Variants in GDPD1 observed in about 807,000 individuals in gnomAD.
GDPD1 encodes lysophospholipase D GDPD1.
A neutral mutation model predicts 45.1 loss-of-function variants in GDPD1; 28 were observed. That is an observed-to-expected ratio of 0.62 (90% CI 0.46 to 0.85). The LOEUF (loss-of-function observed/expected upper bound fraction) is 0.85, where lower values mean the gene tolerates loss of function less well. GDPD1 is among the 40% of genes least tolerant of loss of function. The pLI, the probability that GDPD1 is intolerant of heterozygous loss-of-function variation, is 0.00. For synonymous variants in GDPD1, 139 were observed against 131.4 expected (o/e 1.06, Z -0.40); for missense variants, 256 against 364.8 (o/e 0.70, Z 2.43).
chr17:59,225,781 G>A (rs753159555), intron 1 of GDPD1, among the ~76,000 whole-genome samples: 2 of 152,012 alleles, frequency 1.3e-5, no homozygotes, highest in Non-Finnish European at 2.9e-5. Context: ...GAGTGCAGTG[G>A]TGGGATCTTA....
In GDPD1 at chr17:59,246,092, C is replaced by A. The variant is rs1295808565; in HGVS notation, c.321+543C>A. On this transcript the variant is annotated intron_variant, in intron 3 of 9. Coordinates refer to ENST00000284116, the MANE Select transcript of GDPD1 (RefSeq NM_182569.4). Reference sequence around the variant, plus strand: ...CCAAGATTGCGCCACTGCACTGCAGCCTGGGCAAGAGTGAGACTCTGTCTC... The same window carrying A: ...CCAAGATTGCGCCACTGCACTGCAGACTGGGCAAGAGTGAGACTCTGTCTC... Among the ~76,000 whole-genome samples the A allele has an allele frequency of 3.3e-5, 5 of 151,484 alleles. No individual in the cohort carries two copies. In the East Asian group the frequency reaches 9.7e-4, roughly 29 times the overall value.
In GDPD1 at chr17:59,245,501, A is replaced by G. The variant is rs568539174; in HGVS notation, c.273A>G (p.Leu91=). The change falls in exon 3 of 10, where the codon CTA becomes CTG. Residue 91 remains leucine, a synonymous_variant. Coordinates refer to ENST00000284116, the MANE Select transcript of GDPD1 (RefSeq NM_182569.4). ...TTGTAGTGTCACATGATGAGAATCT[A>G]AAGAGAGCAACTGGGGTCAATGTAA... ...EQVVVSHDEN[L]KRATGVNVNI... 824 of 1,611,248 alleles carry G rather than the reference A, an allele frequency of 5.1e-4. 12 individuals carry two copies. In the South Asian group the frequency reaches 8.5e-3, roughly 17 times the overall value.
intron 3 of GDPD1, among the ~76,000 whole-genome samples, chr17:59,248,302 T>TATAAAATAAA (rs554878179): frequency 2.0e-5 from 3 of 151,752 alleles, no homozygotes; most frequent in African/African-American, 7.2e-5. Context: ...CTGTCTCAAA[T>TATAAAATAAA]ATAAAATAAA....
Position 59,267,087 on chromosome 17 carries a change from T to C in GDPD1, c.623T>C (p.Ile208Thr), listed in dbSNP as rs763906737. ...ILFSLQRVLLILGLFFTGLLP... is the reference protein window; with the variant it reads ...ILFSLQRVLLTLGLFFTGLLP... The stretch of plus-strand genomic sequence containing the variant: ...TTCAGTCTACAACGTGTCCTGCTCA[T>C]TCTTGGCCTTTTCTTCACTGGCCTC... Residue 208 changes from isoleucine to threonine, a missense_variant, in exon 7 of 10, where the codon ATT (isoleucine) becomes ACT (threonine). Coordinates refer to ENST00000284116, the MANE Select transcript of GDPD1 (RefSeq NM_182569.4). The C allele has an allele frequency of 6.2e-7, 1 of 1,613,526 alleles. No individual in the cohort carries two copies. The highest frequency in any genetic ancestry group is 1.7e-5 in the Admixed American group (1 of 60,000).
chr17:59,248,764 C>T lies in GDPD1; in HGVS notation c.346C>T (p.Leu116=), dbSNP rs766709286. 3 of 1,604,986 alleles carry T rather than the reference C, an allele frequency of 1.9e-6. No homozygotes were observed. The highest frequency in any genetic ancestry group is 1.7e-5 in the Admixed American group (1 of 58,972). ...GGAGCTCCCACCTTACCTTGGCAAA[C>T]TGGATGTCTCATTTCAAAGAGGTAA... ...YCELPPYLGK[L]DVSFQRACQC... is the part of the protein sequence containing the mutation. Residue 116 remains leucine, a synonymous_variant, in exon 4 of 10, where the codon CTG becomes TTG. Transcript: ENST00000284116.
In GDPD1 at chr17:59,273,062, G is replaced by A. The variant is rs1012523836; in HGVS notation, c.822+226G>A. The A allele has an allele frequency of 9.8e-5, 67 of 681,292 alleles. No individual in the cohort carries two copies. The African/African-American group carries it at 1.1e-3, about 11-fold the overall frequency. 42.2% of individuals were successfully genotyped at this position (681,292 alleles called of 1,614,324 possible). ...TGTACAGAATAGCTGATGCCAGAGG[G>A]GTGGGACAGTGTTTGTGTGTGTGTA... On this transcript the variant is annotated intron_variant, in intron 9 of 9. Transcript: ENST00000284116.
At chr17:59,257,583 G>A (rs1016635734) in intron 5 of GDPD1, among the ~76,000 whole-genome samples, 168 bp from the exon 6 acceptor site, 2 of 152,116 alleles carry the variant, frequency 1.3e-5, no homozygotes, top group African/African-American at 4.8e-5. Flanking sequence ...ATGATATAAT[G>A]TGAATAAATT....
At chr17:59,261,913 C>T (rs1281994537) in intron 6 of GDPD1, among the ~76,000 whole-genome samples, 58 of 79,316 alleles carry the variant, frequency 7.3e-4, no homozygotes, top group African/African-American at 1.8e-3. Flanking sequence ...AGATTACAGG[C>T]TTTTTTTTTT....
chr17:59,239,825 T>G (rs2047161907), intron 2 of GDPD1, among the ~76,000 whole-genome samples: 1 of 149,726 alleles, frequency 6.7e-6, no homozygotes, highest in Non-Finnish European at 1.5e-5. Flanking sequence ...CCTCCCCCTC[T>G]CCAGCTCAAG....
At chr17:59,239,951 C>T (rs1283835766) in intron 2 of GDPD1, among the ~76,000 whole-genome samples, 14 of 151,954 alleles carry the variant, frequency 9.2e-5, no homozygotes, top group East Asian at 1.9e-4. Context: ...TCACCCACCT[C>T]GGCCTCCCAA....
intron 4 of GDPD1, among the ~76,000 whole-genome samples, chr17:59,253,633 G>A (rs2047273033): frequency 6.6e-6 from 1 of 152,070 alleles, no homozygotes; most frequent in African/African-American, 2.4e-5. Context: ...AGTTTCATCT[G>A]TTTGACCTTT....
Position 59,273,862 on chromosome 17 carries a change from T to C in GDPD1, c.*89T>C, listed in dbSNP as rs2047461280. ...TCATTTCCCTAAGCCATTTCCAGAA[T>C]GGTAAAAGGTTTAATCAGTTTTTAT... On this transcript the variant is annotated 3_prime_UTR_variant, in exon 10 of 10. Coordinates refer to ENST00000284116, the MANE Select transcript of GDPD1 (RefSeq NM_182569.4). The C allele has an allele frequency of 2.9e-6, 4 of 1,366,794 alleles. No individual in the cohort carries two copies. In the African/African-American group the frequency reaches 4.4e-5, roughly 15 times the overall value. The allele number at this position is 1,366,794 out of a possible 1,614,324, so 84.7% of individuals were successfully genotyped here. A position where few individuals can be genotyped will look rare whatever the true frequency, so the allele number is the denominator to read the frequency against.
chr17:59,226,306 C>G (rs1387604461), intron 1 of GDPD1, among the ~76,000 whole-genome samples: 1 of 151,798 alleles, frequency 6.6e-6, no homozygotes, highest in African/African-American at 2.4e-5. Context: ...GCCAACTAGC[C>G]TCATCCAGTA....
chr17:59,263,246 G>A (rs2147901357), intron 6 of GDPD1, among the ~76,000 whole-genome samples: 1 of 152,008 alleles, frequency 6.6e-6, no homozygotes, highest in African/African-American at 2.4e-5. Flanking sequence ...TGCCCAGGCT[G>A]GTCTCAAACT....
rs762017400 is a variant in GDPD1, at chr17:59,267,042, A to G, written c.578A>G (p.Asn193Ser). The G allele has an allele frequency of 6.2e-7, 1 of 1,605,996 alleles. No homozygotes were observed. Among genetic ancestry groups the G allele is most frequent in the Admixed American group, 1.7e-5 (1 of 58,616 alleles). The change falls in exon 7 of 10, where the codon AAT becomes AGT. Residue 193 changes from asparagine to serine, a missense_variant and splice_region_variant. Transcript: ENST00000284116. ...TGTAATATTGCTTGTGTCTTTTAGA[A>G]TTCAGATATTCCTATACTCTTCAGT... ...YEIVEKCYKENSDIPILFSLQ... is the reference protein window; with the variant it reads ...YEIVEKCYKESSDIPILFSLQ...
At chr17:59,265,555 A>G (rs1666406226) in intron 6 of GDPD1, among the ~76,000 whole-genome samples, 1 of 151,024 alleles carries the variant, frequency 6.6e-6, no homozygotes, top group Admixed American at 6.6e-5. Context: ...ATCTATATAT[A>G]GTACACATAG....
intron 4 of GDPD1, among the ~76,000 whole-genome samples, chr17:59,255,691 C>T (rs1198158538): frequency 7.7e-6 from 1 of 130,546 alleles, no homozygotes; most frequent in Non-Finnish European, 1.6e-5. Flanking sequence ...TGCTGTGAGC[C>T]GAGATCGCAC....
intron 6 of GDPD1, among the ~76,000 whole-genome samples, chr17:59,262,923 C>T (rs1394347678): frequency 3.3e-5 from 5 of 152,026 alleles, no homozygotes; most frequent in Non-Finnish European, 1.5e-5. Flanking sequence ...CCACCGTGCC[C>T]GGCCACAGCT....
intron 1 of GDPD1, among the ~76,000 whole-genome samples, chr17:59,224,921 G>A (rs1490837169): frequency 1.3e-5 from 2 of 152,148 alleles, no homozygotes; most frequent in African/African-American, 2.4e-5. Context: ...GGGTATATAT[G>A]AAGCAGATAT....
Sources: gnomAD v4.1 joint callset for allele counts (sites outside exome capture counted in the v4.1 genomes callset) on GRCh38, gnomAD v4.1.1 for gene constraint, MANE v1.5 for transcripts, NCBI Gene and HGNC (gene_info 2026-07-23, HGNC 2026-07-21) for gene names.